The following SPATA21 variants were observed in gnomAD, a reference collection of about 807,000 sequenced individuals.
SPATA21 encodes the protein spermatogenesis associated 21.
A neutral mutation model predicts 54.8 loss-of-function variants in SPATA21; 47 were observed. The ratio of observed to expected loss-of-function variants is 0.86; its 90% CI spans 0.68 to 1.09. SPATA21 has a LOEUF of 1.09. Among genes scored for constraint, SPATA21 ranks in the 50% least tolerant of loss-of-function variants. SPATA21 has a pLI of 0.00. For missense variants in SPATA21, 599 were observed against 596.4 expected (o/e 1.00, Z -0.05); for synonymous variants, 245 against 235.3 (o/e 1.04, Z -0.38).
chr1:16,410,285 A>T (rs2085802332), intron 5 of SPATA21, among the ~76,000 whole-genome samples: 1 of 152,106 alleles, frequency 6.6e-6, no homozygotes, highest in Non-Finnish European at 1.5e-5. Context: ...TTACTCTGTC[A>T]CTCAGGCTGG....
chr1:16,424,807 TA>T (rs1177708506), intron 3 of SPATA21: 1 of 158,478 alleles, frequency 6.3e-6, no homozygotes, highest in Non-Finnish European at 1.4e-5. Flanking sequence ...TCAGCTTTGT[TA>T]AACTCAGCAT....
intron 5 of SPATA21, 69 bp from the exon 6 acceptor site, chr1:16,410,112 C>CGGG: frequency 7.7e-7 from 1 of 1,294,898 alleles, no homozygotes; most frequent in Non-Finnish European, 1.1e-6. Flanking sequence ...TCCTCCCTGC[C>CGGG]ATCCCCTCTC....
chr1:16,413,607 T>A (rs2085916952), intron 5 of SPATA21, among the ~76,000 whole-genome samples: 1 of 151,564 alleles, frequency 6.6e-6, no homozygotes, highest in African/African-American at 2.4e-5. Context: ...TCTCTTCTCT[T>A]CTTTTTCTTT....
intron 3 of SPATA21, among the ~76,000 whole-genome samples, chr1:16,424,248 G>A (rs1444810299): frequency 2.4e-3 from 10 of 4,190 alleles, no homozygotes; most frequent in Middle Eastern, 0.031. Context: ...GGGAGGCAGA[G>A]CTTGCAGTGA....
chr1:16,400,616 A>G, intron 11 of SPATA21, 104 bp downstream of exon 11: 2 of 1,502,988 alleles, frequency 1.3e-6, no homozygotes, highest in Non-Finnish European at 1.8e-6. Flanking sequence ...CTGGCCTCTC[A>G]GCTCCCTTGG....
chr1:16,409,204 C>A lies in SPATA21; in HGVS notation c.588-1G>T. ...GAGGCTCTGCTCTTCCGGCTCCTGC[C>A]TGCAGAGGACAGAACCCCGACCCAG... is the stretch of plus-strand genomic sequence containing the variant. On this transcript the variant is annotated splice_acceptor_variant, in intron 6 of 12. Coordinates refer to ENST00000335496, the MANE Select transcript of SPATA21 (RefSeq NM_198546.1). LOFTEE classifies it high-confidence loss of function. This position sits in a 1 kb window ranked among gnomAD's most constrained non-coding sequence, Gnocchi z 4.1. 6.2e-7 allele frequency: 1 copy of A among 1,614,110 alleles called. No individual in the cohort carries two copies. The highest frequency in any genetic ancestry group is 8.5e-7 in the Non-Finnish European group (1 of 1,180,010).
intron 11 of SPATA21, among the ~76,000 whole-genome samples, chr1:16,400,160 G>C (rs1443985026): frequency 1.3e-5 from 2 of 152,010 alleles, no homozygotes; most frequent in African/African-American, 4.8e-5. Flanking sequence ...CAGAGTAGCT[G>C]GGATTACCGG....
chr1:16,433,776 G>A (rs1218296554), intron 1 of SPATA21, among the ~76,000 whole-genome samples: 1 of 152,148 alleles, frequency 6.6e-6, no homozygotes, highest in Non-Finnish European at 1.5e-5. Flanking sequence ...GGTAGAACTG[G>A]GAGAGAAGTT....
At position 16,409,532 on chromosome 1, in the gene SPATA21, T is replaced by C; in HGVS notation, c.587+69A>G. The C allele has an allele frequency of 6.6e-7, 1 of 1,507,002 alleles. No homozygotes were observed. The allele number at this position is 1,507,002 out of a possible 1,614,324, so 93.4% of individuals were successfully genotyped here. ...ACAGGCAGGTGCAGGGACAGGGACC[T>C]GCATCCGGGACAAGGCTCTGATCTT... On this transcript the variant is annotated intron_variant, in intron 6 of 12. Transcript: ENST00000335496. The surrounding 1 kb of genome is among the most constrained non-coding windows in gnomAD (Gnocchi z 4.1).
At chr1:16,415,432 G>A (rs1257434602) in intron 5 of SPATA21, among the ~76,000 whole-genome samples, 2 of 152,148 alleles carry the variant, frequency 1.3e-5, no homozygotes, top group African/African-American at 2.4e-5. Flanking sequence ...ATGGCCCTCC[G>A]GGGACTCCCC....
intron 1 of SPATA21, among the ~76,000 whole-genome samples, chr1:16,434,289 C>CTTTT (rs1423221525): frequency 7.1e-6 from 1 of 141,656 alleles, no homozygotes; most frequent in Non-Finnish European, 1.6e-5. Context: ...TTTTTTCTTT[C>CTTTT]TTTTTTTTTT....
At position 16,409,578 on chromosome 1, in the gene SPATA21, G is replaced by A. The variant is rs767129855; in HGVS notation, c.587+23C>T. 3.8e-6 allele frequency: 6 copies of A among 1,598,728 alleles called. No individual in the cohort carries two copies. Among genetic ancestry groups the A allele is most frequent in the South Asian group, 3.4e-5 (3 of 89,186 alleles). ...ATCTTGGGGCCTTTCAGGAGCGGGC[G>A]GGTGAGCAGCGGGGGCTCCTACCGC... is the stretch of plus-strand genomic sequence containing the variant. On this transcript the variant is annotated intron_variant, in intron 6 of 12. Coordinates refer to ENST00000335496, the MANE Select transcript of SPATA21 (RefSeq NM_198546.1). This position sits in a 1 kb window ranked among gnomAD's most constrained non-coding sequence, Gnocchi z 4.1.
At chr1:16,411,486 C>T (rs1024659950) in intron 5 of SPATA21, among the ~76,000 whole-genome samples, 25 of 152,080 alleles carry the variant, frequency 1.6e-4, no homozygotes, top group Non-Finnish European at 3.2e-4. Flanking sequence ...AACCGCTAAT[C>T]TTCCTTCTTT....
rs145928769 is a variant in SPATA21, at chr1:16,423,629, C to T, written c.35-1658G>A. On this transcript the variant is annotated intron_variant, in intron 3 of 12. Transcript: ENST00000335496. ...CATGATCTCAGCTCACTGCAACCTC[C>T]GCCTCCCAGGTTCAAGTGATTCTCC... Among the ~76,000 whole-genome samples, 1,451 of 148,102 alleles carry T rather than the reference C, an allele frequency of 9.8e-3. 25 individuals are homozygous for T. The highest frequency in any genetic ancestry group is 0.034 in the African/African-American group (1,386 of 40,234).
intron 5 of SPATA21, chr1:16,410,802 T>C: frequency 5.0e-6 from 2 of 397,590 alleles, no homozygotes; most frequent in African/African-American, 2.1e-5. Flanking sequence ...CGCCTTGGCC[T>C]CCCAAAGTGC....
chr1:16,424,340 A>C (rs1018642506), intron 3 of SPATA21, among the ~76,000 whole-genome samples: 16 of 150,326 alleles, frequency 1.1e-4, no homozygotes, highest in African/African-American at 3.9e-4. Flanking sequence ...CAGATAAATA[A>C]AAAAAGATCT....
At chr1:16,430,092 G>C (rs1203607134) in intron 3 of SPATA21, among the ~76,000 whole-genome samples, 1 of 143,708 alleles carries the variant, frequency 7.0e-6, no homozygotes, top group African/African-American at 2.6e-5. Context: ...ACTCCAGCCT[G>C]GGTGACAGCA....
chr1:16,420,701 C>T (rs1444872585), intron 5 of SPATA21, among the ~76,000 whole-genome samples: 1 of 151,940 alleles, frequency 6.6e-6, no homozygotes, highest in African/African-American at 2.4e-5. Context: ...GCTCCCATTG[C>T]AGCCAAATCA....
At chr1:16,406,143 G>T (rs2085634096) in intron 7 of SPATA21, among the ~76,000 whole-genome samples, 1 of 151,334 alleles carries the variant, frequency 6.6e-6, no homozygotes. Context: ...TTGGTGAGAT[G>T]GAGTTTCACT....
Sources: allele counts gnomAD v4.1 joint callset (sites outside exome capture counted in the v4.1 genomes callset), GRCh38; gene constraint gnomAD v4.1.1; non-coding constraint Gnocchi (gnomAD v3.1); transcripts MANE v1.5; gene names NCBI Gene and HGNC (gene_info 2026-07-23, HGNC 2026-07-21).